Variants in L3MBTL4 observed in about 807,000 individuals in gnomAD.
L3MBTL4 encodes the protein L3MBTL histone methyl-lysine binding protein 4, also known as lethal(3)malignant brain tumor-like protein 4.
In L3MBTL4, 70 loss-of-function variants were observed where a neutral mutation model predicts 84.5. That is an observed-to-expected ratio of 0.83 (90% CI 0.68 to 1.01). The LOEUF is 1.01. Among genes scored for constraint, L3MBTL4 ranks in the 50% least tolerant of loss-of-function variants. L3MBTL4 has a pLI of 0.00. For synonymous variants in L3MBTL4, 274 were observed against 259.8 expected (o/e 1.05, Z -0.52); for missense variants, 715 against 754.8 (o/e 0.95, Z 0.62).
chr18:6,176,229 A>G (rs1472929805), intron 12 of L3MBTL4, among the ~76,000 whole-genome samples: 2 of 152,188 alleles, frequency 1.3e-5, no homozygotes, highest in Non-Finnish European at 2.9e-5. Flanking sequence ...GGAATGAAAA[A>G]TGACCTAGCT....
intron 16 of L3MBTL4, among the ~76,000 whole-genome samples, chr18:6,052,067 A>G (rs1389991002): frequency 6.6e-6 from 1 of 152,186 alleles, no homozygotes; most frequent in Non-Finnish European, 1.5e-5. Context: ...TTCAGTGAGA[A>G]CATTTCTACT....
intron 1 of L3MBTL4, among the ~76,000 whole-genome samples, chr18:6,371,514 A>T (rs532508844): frequency 6.6e-6 from 1 of 152,216 alleles, no homozygotes; most frequent in South Asian, 2.1e-4. Context: ...GCACTGCACG[A>T]TCCTGAGGAA....
At chr18:5,957,474 T>C (rs2095233587) in intron 18 of L3MBTL4, among the ~76,000 whole-genome samples, 1 of 151,588 alleles carries the variant, frequency 6.6e-6, no homozygotes, top group Admixed American at 6.6e-5. Context: ...TAGGCTGCTT[T>C]CCCCAGCTTC....
At chr18:6,187,739 T>C (rs1330645874) in intron 12 of L3MBTL4, among the ~76,000 whole-genome samples, 2 of 152,098 alleles carry the variant, frequency 1.3e-5, no homozygotes, top group African/African-American at 4.8e-5. Flanking sequence ...TTTCAAGCAA[T>C]GGAGGAGAAT....
At chr18:6,339,441 C>T (rs1447990925) in intron 1 of L3MBTL4, among the ~76,000 whole-genome samples, 3 of 152,094 alleles carry the variant, frequency 2.0e-5, no homozygotes, top group Admixed American at 6.6e-5. Context: ...ATAGCTTCAA[C>T]TGAATAATTC....
chr18:6,245,397 G>A (rs2047618314), intron 5 of L3MBTL4, among the ~76,000 whole-genome samples: 1 of 151,966 alleles, frequency 6.6e-6, no homozygotes, highest in East Asian at 1.9e-4. Flanking sequence ...CCTGTACCCT[G>A]GATAGCATCA....
intron 13 of L3MBTL4, among the ~76,000 whole-genome samples, chr18:6,152,856 T>C (rs944144466): frequency 3.3e-5 from 5 of 152,226 alleles, no homozygotes; most frequent in African/African-American, 1.2e-4. Context: ...CTAAGAGTTT[T>C]ATGGTTTCAG....
chr18:6,358,262 T>G (rs1345558324), intron 1 of L3MBTL4, among the ~76,000 whole-genome samples: 6 of 152,190 alleles, frequency 3.9e-5, no homozygotes, highest in Non-Finnish European at 8.8e-5. Flanking sequence ...AAAGCTTTTT[T>G]GGAAGATGGA....
intron 16 of L3MBTL4, among the ~76,000 whole-genome samples, chr18:6,073,904 T>C (rs2146022234): frequency 6.6e-6 from 1 of 152,354 alleles, no homozygotes; most frequent in South Asian, 2.1e-4. Flanking sequence ...GAGTGTTTGC[T>C]TTCTTTTTGT....
At chr18:6,366,469 A>T (rs898123694) in intron 1 of L3MBTL4, among the ~76,000 whole-genome samples, 2 of 152,230 alleles carry the variant, frequency 1.3e-5, no homozygotes, top group African/African-American at 4.8e-5. Flanking sequence ...AATTCTTAAG[A>T]CAGAAAAGTT....
At chr18:6,216,869 G>C (rs1023835686) in intron 10 of L3MBTL4, among the ~76,000 whole-genome samples, 1 of 152,072 alleles carries the variant, frequency 6.6e-6, no homozygotes, top group African/African-American at 2.4e-5. Flanking sequence ...GTTTCAGAAT[G>C]TCATGTGACA....
At chr18:6,394,207 G>A (rs547115086) in intron 1 of L3MBTL4, among the ~76,000 whole-genome samples, 1 of 152,074 alleles carries the variant, frequency 6.6e-6, no homozygotes, top group Non-Finnish European at 1.5e-5. Context: ...GTGGCTCACG[G>A]CTGTAATCCC....
chr18:6,088,147 T>C (rs1050731472), intron 15 of L3MBTL4, among the ~76,000 whole-genome samples: 4 of 152,206 alleles, frequency 2.6e-5, no homozygotes, highest in African/African-American at 7.2e-5. Context: ...GCTGCTGATA[T>C]GTGGTGTGGA....
At chr18:6,023,842 C>T (rs1011492525) in intron 16 of L3MBTL4, among the ~76,000 whole-genome samples, 8 of 151,924 alleles carry the variant, frequency 5.3e-5, no homozygotes, top group African/African-American at 1.4e-4. Flanking sequence ...TGCCCAAGTT[C>T]GTGCAGTGTT....
chr18:6,276,878 G>A, intron 4 of L3MBTL4, among the ~76,000 whole-genome samples: 1 of 152,028 alleles, frequency 6.6e-6, no homozygotes, highest in Non-Finnish European at 1.5e-5. Flanking sequence ...GAAAAGAACG[G>A]AATTGCATCT....
intron 16 of L3MBTL4, among the ~76,000 whole-genome samples, chr18:6,048,274 G>A (rs898887441): frequency 6.6e-6 from 1 of 152,106 alleles, no homozygotes; most frequent in Non-Finnish European, 1.5e-5. Context: ...TTCATGGATT[G>A]GAAAAATTAG....
intron 1 of L3MBTL4, among the ~76,000 whole-genome samples, chr18:6,325,124 A>C (rs1332558728): frequency 2.0e-5 from 3 of 152,196 alleles, no homozygotes; most frequent in Non-Finnish European, 1.5e-5. Context: ...AGATAATTCC[A>C]GCAAATTCCA....
At position 6,065,771 on chromosome 18, in the gene L3MBTL4, G is replaced by T. The variant is rs543434239; in HGVS notation, c.1444+15110C>A. Among the ~76,000 whole-genome samples the T allele has an allele frequency of 3.3e-5, 5 of 151,786 alleles. No individual in the cohort carries two copies. The South Asian group carries it at 1.0e-3, about 32-fold the overall frequency. On this transcript the variant is annotated intron_variant, in intron 16 of 18. Coordinates refer to ENST00000317931, the MANE Select transcript of L3MBTL4 (RefSeq NM_001330559.2). ...TTTTTCTTGGTTAATCTTACTAATG[G>T]TCTATCAAATTTGTTTATCTTTTCA...
At chr18:6,099,424 A>C (rs1218013462) in intron 14 of L3MBTL4, among the ~76,000 whole-genome samples, 3 of 151,436 alleles carry the variant, frequency 2.0e-5, no homozygotes, top group Non-Finnish European at 4.4e-5. Context: ...AGTAACAGCA[A>C]GTACAGATAA....
Sources: allele counts gnomAD v4.1 joint callset (sites outside exome capture counted in the v4.1 genomes callset), GRCh38; gene constraint gnomAD v4.1.1; transcripts MANE v1.5; gene names NCBI Gene and HGNC (gene_info 2026-07-23, HGNC 2026-07-21).